The following MYO1D variants were observed in gnomAD, a reference collection of about 807,000 sequenced individuals.
The protein encoded by MYO1D is unconventional myosin-Id.
MYO1D carries 83 observed loss-of-function variants against 122.0 expected under a neutral mutation model. The ratio of observed to expected loss-of-function variants is 0.68; its 90% CI spans 0.57 to 0.82. MYO1D has a LOEUF of 0.82. Among genes scored for constraint, MYO1D ranks in the 40% least tolerant of loss-of-function variants. The pLI, the probability that MYO1D is intolerant of heterozygous loss-of-function variation, is 0.00. For synonymous variants in MYO1D, 464 were observed against 446.9 expected, an observed-to-expected ratio of 1.04 and a Z score of -0.48; for missense variants, 1,157 against 1,269.5, an observed-to-expected ratio of 0.91 and a Z score of 1.35.
At chr17:32,699,825 T>C (rs954883449) in intron 16 of MYO1D, among the ~76,000 whole-genome samples, 6 of 152,132 alleles carry the variant, frequency 3.9e-5, no homozygotes, top group African/African-American at 7.2e-5. Context: ...ATATTTGCAA[T>C]TTTCCATAAT....
intron 20 of MYO1D, among the ~76,000 whole-genome samples, chr17:32,608,768 C>T (rs898748070): frequency 3.9e-5 from 6 of 152,162 alleles, no homozygotes; most frequent in Admixed American, 2.0e-4. Context: ...GCAGCATGTG[C>T]ACGGATAAAC....
intron 1 of MYO1D, among the ~76,000 whole-genome samples, chr17:32,816,776 G>A (rs1398229911): frequency 1.3e-5 from 2 of 152,170 alleles, no homozygotes; most frequent in Non-Finnish European, 2.9e-5. Flanking sequence ...ATTCCTGGAT[G>A]TAGCATAAGT....
At chr17:32,661,261 C>T (rs536169455) in intron 16 of MYO1D, among the ~76,000 whole-genome samples, 1 of 152,168 alleles carries the variant, frequency 6.6e-6, no homozygotes, top group Non-Finnish European at 1.5e-5. Context: ...AAAAAACACA[C>T]TAGCCCTTCT....
intron 16 of MYO1D, among the ~76,000 whole-genome samples, chr17:32,669,133 T>C (rs952912697): frequency 3.9e-5 from 6 of 152,168 alleles, no homozygotes; most frequent in Non-Finnish European, 7.4e-5. Flanking sequence ...ATTATGCCAC[T>C]TTGGCATAAA....
chr17:32,571,469 A>G (rs1429697073), intron 21 of MYO1D, among the ~76,000 whole-genome samples: 1 of 152,100 alleles, frequency 6.6e-6, no homozygotes, highest in Non-Finnish European at 1.5e-5. Flanking sequence ...AATTTGCCAT[A>G]TGGCCTAGAA....
chr17:32,547,941 C>T (rs1034251883), intron 21 of MYO1D, among the ~76,000 whole-genome samples: 10 of 128,034 alleles, frequency 7.8e-5, no homozygotes, highest in African/African-American at 3.0e-4. Flanking sequence ...AGGAGCAAGA[C>T]CGTGTCTTAA....
chr17:32,622,364 C>T (rs945795683), intron 20 of MYO1D, among the ~76,000 whole-genome samples: 5 of 152,104 alleles, frequency 3.3e-5, no homozygotes, highest in Admixed American at 6.6e-5. Flanking sequence ...TATTGAACAC[C>T]TACTGTATGG....
At chr17:32,657,333 C>A (rs1597978651) in intron 17 of MYO1D, among the ~76,000 whole-genome samples, 1 of 152,232 alleles carries the variant, frequency 6.6e-6, no homozygotes. Flanking sequence ...CAGGGGTTGG[C>A]AAACTATAGC....
chr17:32,599,273 T>C (rs2087533499), intron 21 of MYO1D, among the ~76,000 whole-genome samples: 1 of 152,152 alleles, frequency 6.6e-6, no homozygotes, highest in Non-Finnish European at 1.5e-5. Flanking sequence ...CAGGTGTAGA[T>C]TCCATCTTAA....
At chr17:32,837,404 T>C (rs569076502) in intron 1 of MYO1D, among the ~76,000 whole-genome samples, 195 of 152,200 alleles carry the variant, frequency 1.3e-3, no homozygotes, top group South Asian at 0.01. Context: ...TCATGTTCAT[T>C]GTTAATGGCT....
At chr17:32,639,361 TTTTGTGTGTGTGTGTGTGTGTGTG>T (rs1014006839) in intron 19 of MYO1D, among the ~76,000 whole-genome samples, 21 of 65,726 alleles carry the variant, frequency 3.2e-4, no homozygotes, top group African/African-American at 9.0e-4. Flanking sequence ...TTGGGAGAAA[TTTTGTGTGTGTGTGTGTGTGTGTG>T]TGTGTGTGTG....
intron 1 of MYO1D, among the ~76,000 whole-genome samples, chr17:32,805,788 T>G (rs2090505298): frequency 6.6e-6 from 1 of 152,216 alleles, no homozygotes; most frequent in South Asian, 2.1e-4. Flanking sequence ...ATCTGAATTC[T>G]GGAAGAGCTT....
At chr17:32,799,924 C>T (rs1246181587) in intron 1 of MYO1D, among the ~76,000 whole-genome samples, 3 of 151,978 alleles carry the variant, frequency 2.0e-5, no homozygotes, top group Non-Finnish European at 4.4e-5. Flanking sequence ...ATACAAGTGA[C>T]CAATACATAT....
At chr17:32,806,617 T>G (rs34889949) in intron 1 of MYO1D, among the ~76,000 whole-genome samples, 10,035 of 152,174 alleles carry the variant, frequency 0.066, 498 homozygotes, top group Non-Finnish European at 0.11. Context: ...GCTGAAACAA[T>G]CCTCCTGCCT....
chr17:32,773,052 G>A (rs2090134178), intron 4 of MYO1D, among the ~76,000 whole-genome samples: 1 of 152,180 alleles, frequency 6.6e-6, no homozygotes, highest in Non-Finnish European at 1.5e-5. Flanking sequence ...TTGGATCGGG[G>A]GAGCTCCCTT....
chr17:32,585,742 T>TAAAAAAAAA (rs5819989), intron 21 of MYO1D, among the ~76,000 whole-genome samples: 1 of 112,148 alleles, frequency 8.9e-6, no homozygotes, highest in African/African-American at 3.4e-5. Flanking sequence ...CGTCTCAAAA[T>TAAAAAAAAA]AAAAAAAAAA....
chr17:32,723,120 CACCCTG>C (rs2089531545), intron 14 of MYO1D, among the ~76,000 whole-genome samples: 1 of 152,164 alleles, frequency 6.6e-6, no homozygotes, highest in South Asian at 2.1e-4. Context: ...GAGGGTGGTG[CACCCTG>C]ATTCCAGGGG....
intron 17 of MYO1D, among the ~76,000 whole-genome samples, chr17:32,656,541 C>A (rs922601982): frequency 3.3e-5 from 5 of 152,160 alleles, no homozygotes; most frequent in African/African-American, 4.8e-5. Context: ...CTGTTCCCTG[C>A]ACATGGAATG....
chr17:32,596,603 A>G (rs897138364), intron 21 of MYO1D, among the ~76,000 whole-genome samples: 16 of 152,270 alleles, frequency 1.1e-4, no homozygotes. Context: ...TCGAATGTTC[A>G]GTTAAATCCA....
Sources: allele counts gnomAD v4.1 joint callset (sites outside exome capture counted in the v4.1 genomes callset), GRCh38; gene constraint gnomAD v4.1.1; transcripts MANE v1.5; gene names NCBI Gene and HGNC (gene_info 2026-07-23, HGNC 2026-07-21).